The following PTK2 variants were observed in gnomAD, a reference collection of about 807,000 sequenced individuals.
The protein encoded by PTK2 is protein tyrosine kinase 2.
A neutral mutation model predicts 150.1 loss-of-function variants in PTK2; 45 were observed. The observed-to-expected ratio is 0.30, with a 90% CI of 0.24 to 0.38. The LOEUF (loss-of-function observed/expected upper bound fraction) is 0.38. Among genes scored for constraint, PTK2 ranks in the 10% least tolerant of loss-of-function variants. The pLI is 1.00. For synonymous variants in PTK2, 432 were observed against 449.2 expected (o/e 0.96, Z 0.48); for missense variants, 919 against 1,307.3 (o/e 0.70, Z 4.58).
At position 140,706,106 on chromosome 8, in the gene PTK2, A is replaced by G. The variant is rs768388162; in HGVS notation, c.2229+13T>C. 19 of 1,580,332 alleles carry G rather than the reference A, an allele frequency of 1.2e-5. No homozygotes were observed. The highest frequency in any genetic ancestry group is 1.7e-5 in the Non-Finnish European group (19 of 1,150,064). On this transcript the variant is annotated intron_variant, in intron 24 of 31. Coordinates refer to ENST00000522684, the Ensembl canonical transcript of PTK2. ...TAAAATAACACAGTTTATATCTGTAATGACTGGCATACCTGGTAATGATTG... is the reference window on the plus strand; with the variant it reads ...TAAAATAACACAGTTTATATCTGTAGTGACTGGCATACCTGGTAATGATTG...
intron 26 of PTK2, among the ~76,000 whole-genome samples, chr8:140,697,132 TC>T (rs1360623217): frequency 3.8e-5 from 3 of 78,292 alleles, no homozygotes; most frequent in Non-Finnish European, 2.6e-5. Flanking sequence ...AGACCCTGTT[TC>T]CGGGAAAAAA....
intron 8 of PTK2, among the ~76,000 whole-genome samples, chr8:140,829,530 T>C (rs1309245230): frequency 6.6e-6 from 1 of 152,214 alleles, no homozygotes; most frequent in Non-Finnish European, 1.5e-5. Flanking sequence ...TTTATCCCCA[T>C]TTTACGGATG....
At chr8:140,766,794 T>C (rs753107125) in intron 14 of PTK2, among the ~76,000 whole-genome samples, 1 of 152,220 alleles carries the variant, frequency 6.6e-6, no homozygotes, top group Non-Finnish European at 1.5e-5. Context: ...CAAGCCCATT[T>C]GGGGAAAACT....
intron 16 of PTK2, among the ~76,000 whole-genome samples, chr8:140,757,340 G>C (rs896416277): frequency 6.6e-6 from 1 of 151,746 alleles, no homozygotes; most frequent in Non-Finnish European, 1.5e-5. Flanking sequence ...TGCCTCAAAG[G>C]GCAGAGTTAA....
chr8:140,764,062 G>A (rs537124983), intron 15 of PTK2, 172 bp downstream of exon 17: 1 of 655,242 alleles, frequency 1.5e-6, no homozygotes, highest in Non-Finnish European at 2.7e-6. Context: ...TCTGACCTTA[G>A]AGTGGGCATA....
intron 2 of PTK2, among the ~76,000 whole-genome samples, chr8:140,923,306 C>T (rs2100168219): frequency 6.6e-6 from 1 of 152,108 alleles, no homozygotes; most frequent in African/African-American, 2.4e-5. Context: ...ACAGGTGATA[C>T]TGCTAATAAT....
intron 5 of PTK2, among the ~76,000 whole-genome samples, chr8:140,858,455 A>C (rs2100134131): frequency 1.3e-5 from 2 of 151,992 alleles, no homozygotes; most frequent in African/African-American, 4.8e-5. Flanking sequence ...AGAAAGAAAA[A>C]AAGAAAATCC....
intron 1 of PTK2, among the ~76,000 whole-genome samples, chr8:140,958,007 A>G (rs1569481710): frequency 6.6e-6 from 1 of 152,240 alleles, no homozygotes; most frequent in Non-Finnish European, 1.5e-5. Context: ...ATGAAATAGC[A>G]AAGTCTCTTG....
chr8:140,992,293 G>GGAA (rs1555509839), intron 1 of PTK2, among the ~76,000 whole-genome samples: 11 of 120,624 alleles, frequency 9.1e-5, no homozygotes, highest in African/African-American at 1.8e-4. Flanking sequence ...CTTCATCTCG[G>GGAA]AAAAAAAAAA....
At chr8:140,683,741 T>TA (rs956386988) in intron 27 of PTK2, among the ~76,000 whole-genome samples, 4 of 129,410 alleles carry the variant, frequency 3.1e-5, no homozygotes, top group African/African-American at 5.9e-5. Context: ...TAAACAGAAC[T>TA]AAAAAAAACT....
At position 140,872,586 on chromosome 8, in the gene PTK2, T is replaced by G. The variant is rs542908198; in HGVS notation, c.362+6885A>C. 2.5e-4 allele frequency among the ~76,000 whole-genome samples: 38 copies of G among 152,316 alleles called. 1 individual carries two copies. The highest frequency in any genetic ancestry group is 1.1e-3 in the Admixed American group (17 of 15,302). ...GACAGGCTGGGGTGCACATGCACAC[T>G]TCAGGAGTGATTTTCAAACTCAGCC... On this transcript the variant is annotated intron_variant, in intron 4 of 31. Coordinates refer to ENST00000522684, the Ensembl canonical transcript of PTK2.
At chr8:140,742,159 C>A (rs571931896) in intron 20 of PTK2, among the ~76,000 whole-genome samples, 1 of 152,264 alleles carries the variant, frequency 6.6e-6, no homozygotes, top group East Asian at 1.9e-4. Flanking sequence ...AAACAAAAAT[C>A]CCACCAAACT....
intron 10 of PTK2, among the ~76,000 whole-genome samples, chr8:140,814,965 A>C (rs1024270780): frequency 6.6e-6 from 1 of 152,082 alleles, no homozygotes; most frequent in East Asian, 1.9e-4. Context: ...TAGTAGGGAC[A>C]GGGTTTCACC....
At position 140,807,265 on chromosome 8, in the gene PTK2, A is replaced by G. The variant is rs114947203; in HGVS notation, c.868-3615T>C. Among the ~76,000 whole-genome samples, 948 of 152,372 alleles carry G rather than the reference A, an allele frequency of 6.2e-3. 7 individuals are homozygous for G. The highest frequency in any genetic ancestry group is 0.021 in the African/African-American group (865 of 41,588). Reference sequence around the variant, plus strand: ...GCAATACACGGTGCTGTATAAAAATATCTAATTTATTGGAAAGGAGAGGAG... The same window carrying G: ...GCAATACACGGTGCTGTATAAAAATGTCTAATTTATTGGAAAGGAGAGGAG... On this transcript the variant is annotated intron_variant, in intron 10 of 31. Transcript: ENST00000522684.
chr8:140,817,075 A>G (rs1404677063), intron 10 of PTK2, among the ~76,000 whole-genome samples: 1 of 152,210 alleles, frequency 6.6e-6, no homozygotes, highest in Non-Finnish European at 1.5e-5. Context: ...TCTGGCCCCC[A>G]GGGAGGAAGG....
At position 140,787,464 on chromosome 8, in the gene PTK2, A is replaced by C. The variant is rs533305166; in HGVS notation, c.1177+2010T>G. Among the ~76,000 whole-genome samples the C allele has an allele frequency of 1.8e-4, 28 of 152,286 alleles. No individual in the cohort carries two copies. The South Asian group carries it at 2.5e-3, about 14-fold the overall frequency. On this transcript the variant is annotated intron_variant, in intron 14 of 31. Transcript: ENST00000522684. Reference sequence around the variant, plus strand: ...AATGCCAGCTAACTTTATTCCTCTTAATGGGGTTCTGAAATAAGAAGAAAA... The same window carrying C: ...AATGCCAGCTAACTTTATTCCTCTTCATGGGGTTCTGAAATAAGAAGAAAA...
At chr8:140,976,007 AC>A (rs1188253817) in intron 1 of PTK2, among the ~76,000 whole-genome samples, 3 of 152,264 alleles carry the variant, frequency 2.0e-5, no homozygotes, top group Non-Finnish European at 4.4e-5. Context: ...TGTTAAAGAT[AC>A]TATTAACAAC....
At chr8:140,667,747 C>T (rs1035439511) in intron 30 of PTK2, among the ~76,000 whole-genome samples, 2 of 152,164 alleles carry the variant, frequency 1.3e-5, no homozygotes, top group African/African-American at 2.4e-5. Context: ...CACCCACATA[C>T]CCAACCCTTA....
At chr8:140,988,668 G>A (rs2100194329) in intron 1 of PTK2, among the ~76,000 whole-genome samples, 1 of 146,406 alleles carries the variant, frequency 6.8e-6, no homozygotes, top group Admixed American at 7.0e-5. Context: ...GGCGGAGCCT[G>A]CAGTGAGCCA....
Sources: gnomAD v4.1 joint callset for allele counts (sites outside exome capture counted in the v4.1 genomes callset) on GRCh38, gnomAD v4.1.1 for gene constraint, MANE v1.5 for transcripts, NCBI Gene and HGNC (gene_info 2026-07-23, HGNC 2026-07-21) for gene names.